The following PIK3C3 variants were observed in gnomAD, a reference collection of about 807,000 sequenced individuals.
PIK3C3 encodes PI3-kinase type 3.
PIK3C3 carries 95 observed loss-of-function variants against 126.1 expected under a neutral mutation model. That is an observed-to-expected ratio of 0.75 (90% CI 0.64 to 0.89). PIK3C3 has a LOEUF of 0.89. Among genes scored for constraint, PIK3C3 ranks in the 40% least tolerant of loss-of-function variants. The pLI is 0.00. For missense variants in PIK3C3, 829 were observed against 1,063.2 expected (o/e 0.78, Z 3.06); for synonymous variants, 374 against 360.0 (o/e 1.04, Z -0.44).
At chr18:41,997,514 T>G (rs1598880895) in intron 9 of PIK3C3, among the ~76,000 whole-genome samples, 1 of 152,280 alleles carries the variant, frequency 6.6e-6, no homozygotes, top group African/African-American at 2.4e-5. Context: ...AGCTTTAGTT[T>G]TCTTATATTT....
intron 10 of PIK3C3, among the ~76,000 whole-genome samples, chr18:42,008,727 T>C (rs889128707): frequency 1.3e-5 from 2 of 152,080 alleles, no homozygotes; most frequent in Non-Finnish European, 2.9e-5. Context: ...ATGTCCTTCA[T>C]GCTTGGAGGA....
intron 3 of PIK3C3, among the ~76,000 whole-genome samples, chr18:41,969,844 TTACCC>T (rs1378189787): frequency 6.6e-6 from 1 of 152,238 alleles, no homozygotes; most frequent in African/African-American, 2.4e-5. Context: ...GTTAAGTAGT[TTACCC>T]TAGGTTATGT....
rs1171099705 is a variant in PIK3C3 at position 41,962,540 on chromosome 18, T to C, written c.309T>C (p.Asn103=). The change falls in exon 3 of 25, where the codon AAT becomes AAC. Residue 103 remains asparagine (N), a synonymous_variant. Transcript: ENST00000262039. ...LPVKYPDLPR[N]AQVALTIWDV... ...TAAAATACCCTGACCTGCCCAGGAA[T>C]GCCCAAGTGGCCCTCACCATATGGG... 6.2e-7 allele frequency: 1 copy of C among 1,613,810 alleles called. No homozygotes were observed. Among genetic ancestry groups the C allele is most frequent in the South Asian group, 1.1e-5 (1 of 91,056 alleles).
intron 24 of PIK3C3, among the ~76,000 whole-genome samples, chr18:42,068,075 C>T: frequency 6.6e-6 from 1 of 152,116 alleles, no homozygotes; most frequent in South Asian, 2.1e-4. Context: ...TTCTTCTATG[C>T]CCTCACCTCT....
chr18:41,965,950 T>C (rs1321794858), intron 3 of PIK3C3, among the ~76,000 whole-genome samples: 1 of 152,162 alleles, frequency 6.6e-6, no homozygotes, highest in Non-Finnish European at 1.5e-5. Flanking sequence ...AATAAGACTT[T>C]GAATCTTGGA....
At chr18:42,076,163 C>T (rs1292622197) in intron 24 of PIK3C3, among the ~76,000 whole-genome samples, 13 of 86,166 alleles carry the variant, frequency 1.5e-4, no homozygotes, top group African/African-American at 7.3e-4. Flanking sequence ...TATATATATG[C>T]ACATATATAT....
chr18:42,068,117 A>G (rs1985618211), intron 24 of PIK3C3, among the ~76,000 whole-genome samples: 2 of 152,114 alleles, frequency 1.3e-5, no homozygotes, highest in Admixed American at 6.5e-5. Flanking sequence ...TTACACATTC[A>G]CTTAATGATT....
chr18:42,065,104 T>A (rs946538207), intron 23 of PIK3C3, among the ~76,000 whole-genome samples: 3 of 152,178 alleles, frequency 2.0e-5, no homozygotes, highest in Non-Finnish European at 4.4e-5. Flanking sequence ...TAAAATTGAA[T>A]TTAGCCAAGT....
At chr18:41,965,363 T>G (rs1369385101) in intron 3 of PIK3C3, among the ~76,000 whole-genome samples, 1 of 152,172 alleles carries the variant, frequency 6.6e-6, no homozygotes, top group Non-Finnish European at 1.5e-5. Flanking sequence ...GAGGGACAAT[T>G]GAAATTTCCA....
At chr18:42,078,367 G>C (rs568302660) in intron 24 of PIK3C3, among the ~76,000 whole-genome samples, 53 of 113,368 alleles carry the variant, frequency 4.7e-4, no homozygotes, top group African/African-American at 1.8e-3. Flanking sequence ...CTGGGCAACA[G>C]AGCGAGACTC....
intron 13 of PIK3C3, chr18:42,026,016 G>A (rs1983551378): frequency 6.6e-6 from 1 of 152,144 alleles, no homozygotes; most frequent in Non-Finnish European, 1.5e-5. Context: ...ATAGTGGAAA[G>A]CATAATAATA....
chr18:42,079,890 C>T (rs1402134513), intron 24 of PIK3C3, among the ~76,000 whole-genome samples: 6 of 151,878 alleles, frequency 4.0e-5, no homozygotes, highest in African/African-American at 1.2e-4. Context: ...TACCTCCAGG[C>T]AACACACCTC....
At chr18:41,996,265 G>A (rs750611926) in intron 8 of PIK3C3, among the ~76,000 whole-genome samples, 30 of 152,094 alleles carry the variant, frequency 2.0e-4, no homozygotes, top group Non-Finnish European at 2.8e-4. Flanking sequence ...TTGCCTGAGA[G>A]GACTTAGTGT....
intron 17 of PIK3C3, 136 bp from the exon 18 acceptor site, chr18:42,038,645 A>T: frequency 1.6e-6 from 1 of 614,878 alleles, no homozygotes; most frequent in Middle Eastern, 4.5e-4. Context: ...TGCCCAGCCT[A>T]AGTTAACTAA....
intron 5 of PIK3C3, among the ~76,000 whole-genome samples, chr18:41,989,819 C>CT (rs1415584579): frequency 6.6e-6 from 1 of 152,008 alleles, no homozygotes; most frequent in Non-Finnish European, 1.5e-5. Context: ...ACCATGTTTG[C>CT]TTTTTTATTT....
chr18:41,984,097 G>C (rs1045309646), intron 4 of PIK3C3, among the ~76,000 whole-genome samples: 2 of 151,712 alleles, frequency 1.3e-5, no homozygotes, highest in African/African-American at 4.8e-5. Flanking sequence ...TCCTAGAATG[G>C]GCATCCTAGT....
chr18:42,026,761 A>G (rs1204007365), intron 13 of PIK3C3: 2 of 152,324 alleles, frequency 1.3e-5, no homozygotes, highest in East Asian at 3.9e-4. Context: ...GTTTGTTCCC[A>G]GTGGAACATT....
chr18:41,996,961 G>T (rs2144366184), intron 9 of PIK3C3, among the ~76,000 whole-genome samples: 1 of 152,232 alleles, frequency 6.6e-6, no homozygotes, highest in African/African-American at 2.4e-5. Flanking sequence ...AAGTCAGAGA[G>T]ACTTGGGTTC....
rs962069673 is a variant in PIK3C3 at position 42,084,573 on chromosome 18, C to G, written c.*3436C>G. 1.9e-4 allele frequency: 19 copies of G among 98,764 alleles called. No homozygotes were observed. The highest frequency in any genetic ancestry group is 9.9e-5 in the Non-Finnish European group (5 of 50,668). 6.1% of individuals were successfully genotyped at this position (98,764 alleles called of 1,614,324 possible). Reference sequence around the variant, plus strand: ...GAAATCTGAATATAGTATAGAGTAGCTAAAAACAAACCAAAAAAAAAAAAA... The same window carrying G: ...GAAATCTGAATATAGTATAGAGTAGGTAAAAACAAACCAAAAAAAAAAAAA... On this transcript the variant is annotated 3_prime_UTR_variant, in exon 25 of 25. Transcript: ENST00000262039.
Sources: allele counts gnomAD v4.1 joint callset (sites outside exome capture counted in the v4.1 genomes callset), GRCh38; gene constraint gnomAD v4.1.1; transcripts MANE v1.5; gene names NCBI Gene and HGNC (gene_info 2026-07-23, HGNC 2026-07-21).